IQSEC1: variants seen among roughly 807,000 people sequenced by gnomAD.
IQSEC1 encodes the protein IQ motif and Sec7 domain ArfGEF 1.
A neutral mutation model predicts 91.0 loss-of-function variants in IQSEC1; 31 were observed. The ratio of observed to expected loss-of-function variants is 0.34; its 90% CI spans 0.26 to 0.46. The LOEUF is 0.46. Ranked by LOEUF, IQSEC1 falls within the 20% of genes least tolerant of loss-of-function variation. The probability of loss-of-function intolerance (pLI) is 1.00; values close to 1 mark genes in which losing one functional copy is unlikely to be tolerated. For missense variants in IQSEC1, 1,388 were observed against 1,575.6 expected, an observed-to-expected ratio of 0.88 and a Z score of 2.02; for synonymous variants, 699 against 662.6, an observed-to-expected ratio of 1.05 and a Z score of -0.84.
intron 2 of IQSEC1, among the ~76,000 whole-genome samples, chr3:13,141,459 T>C (rs1336576144): frequency 6.6e-6 from 1 of 152,186 alleles, no homozygotes; most frequent in Non-Finnish European, 1.5e-5. Flanking sequence ...TTGTGTTCCC[T>C]GGGTTCTCCT....
intron 1 of IQSEC1, among the ~76,000 whole-genome samples, chr3:12,943,605 C>T (rs1200930952): frequency 2.6e-5 from 4 of 152,204 alleles, no homozygotes; most frequent in South Asian, 2.1e-4. Context: ...CACTCAGCTG[C>T]GGTGCCCCCT....
At chr3:13,208,130 C>T (rs184954395) in intron 1 of IQSEC1, among the ~76,000 whole-genome samples, 331 of 150,776 alleles carry the variant, frequency 2.2e-3, no homozygotes, top group African/African-American at 6.4e-3. Flanking sequence ...GGTGGCCAGA[C>T]AGATGGAGCA....
chr3:13,095,464 A>C (rs1238772615), intron 2 of IQSEC1, among the ~76,000 whole-genome samples: 1 of 152,170 alleles, frequency 6.6e-6, no homozygotes, highest in Admixed American at 6.5e-5. Context: ...GGGCTGATGG[A>C]CAGAGCTAAG....
intron 2 of IQSEC1, among the ~76,000 whole-genome samples, chr3:13,150,650 G>A (rs1010205234): frequency 2.0e-5 from 3 of 152,186 alleles, no homozygotes; most frequent in Non-Finnish European, 2.9e-5. Context: ...TTTAGTGGGA[G>A]TCTCCACCTT....
intron 1 of IQSEC1, among the ~76,000 whole-genome samples, chr3:13,249,292 C>T (rs887329501): frequency 5.9e-5 from 9 of 151,542 alleles, no homozygotes; most frequent in African/African-American, 2.2e-4. Context: ...CTGCCTTAGC[C>T]TCCTGAGTAG....
intron 1 of IQSEC1, among the ~76,000 whole-genome samples, chr3:13,064,179 G>A (rs926100270): frequency 7.2e-5 from 11 of 151,914 alleles, no homozygotes; most frequent in Non-Finnish European, 1.0e-4. Context: ...TACATGATAC[G>A]CCTGCATAGA....
rs992869370 is a variant in IQSEC1 at position 12,983,962 on chromosome 3, C to T, written c.24-42097G>A. On this transcript the variant is annotated intron_variant, in intron 1 of 13. Coordinates refer to ENST00000613206, the MANE Select transcript of IQSEC1 (RefSeq NM_001134382.3). This position sits in a 1 kb window ranked among gnomAD's most constrained non-coding sequence, Gnocchi z 4.3. ...GGCAGAGAGGTAAGGGCCTTTCATACGTGGGTTCTGGGGGATAGTAACATG... is the reference window on the plus strand; with the variant it reads ...GGCAGAGAGGTAAGGGCCTTTCATATGTGGGTTCTGGGGGATAGTAACATG... Among the ~76,000 whole-genome samples the T allele has an allele frequency of 2.0e-5, 3 of 152,172 alleles. No individual in the cohort carries two copies. The highest frequency in any genetic ancestry group is 1.9e-4 in the East Asian group (1 of 5,204).
At chr3:13,229,726 C>CCTGCTTAT (rs1576302943) in intron 1 of IQSEC1, among the ~76,000 whole-genome samples, 1 of 152,344 alleles carries the variant, frequency 6.6e-6, no homozygotes, top group East Asian at 1.9e-4. Flanking sequence ...ACACTGTTCC[C>CCTGCTTAT]CCTGCTGGGA....
chr3:13,238,927 C>T (rs1452524668), intron 1 of IQSEC1, among the ~76,000 whole-genome samples: 8 of 152,212 alleles, frequency 5.3e-5, no homozygotes, highest in Non-Finnish European at 1.2e-4. Context: ...AGACCAACAC[C>T]GTCATCTCCA....
intron 2 of IQSEC1, among the ~76,000 whole-genome samples, chr3:12,939,719 C>T (rs1057112961): frequency 1.3e-5 from 2 of 152,208 alleles, no homozygotes; most frequent in African/African-American, 4.8e-5. Flanking sequence ...TCAGCTGTTG[C>T]CTCTTCCTGG....
intron 1 of IQSEC1, among the ~76,000 whole-genome samples, chr3:13,034,506 G>A (rs1004385993): frequency 2.8e-4 from 42 of 152,334 alleles, no homozygotes; most frequent in African/African-American, 9.6e-4. Flanking sequence ...AGGCAGCCGG[G>A]GAGGAGGAGA....
rs1705976943 is a variant in IQSEC1 at position 13,096,996 on chromosome 3, GACT to G, written c.303-49477_303-49475del. Among the ~76,000 whole-genome samples, 3 of 152,202 alleles carry G rather than the reference GACT, an allele frequency of 2.0e-5. No homozygotes were observed. The South Asian group carries it at 6.2e-4, about 32-fold the overall frequency. Reference sequence around the variant, plus strand: ...CTACCTCAGCCTCCCAAGTAGCTGGGACTACAGGCGCCCGCCACCACGCCTGGC... The same window carrying G: ...CTACCTCAGCCTCCCAAGTAGCTGGGACAGGCGCCCGCCACCACGCCTGGC... On this transcript the variant is annotated intron_variant, in intron 2 of 15. Coordinates refer to the IQSEC1 transcript ENST00000648114.
intron 1 of IQSEC1, among the ~76,000 whole-genome samples, chr3:13,251,073 A>AC (rs1397450113): frequency 6.6e-6 from 1 of 152,026 alleles, no homozygotes; most frequent in Non-Finnish European, 1.5e-5. Flanking sequence ...GCTCCCCCTC[A>AC]GTCACACCAG....
chr3:13,132,034 A>C (rs2124919256), intron 2 of IQSEC1, among the ~76,000 whole-genome samples: 1 of 152,100 alleles, frequency 6.6e-6, no homozygotes, highest in Middle Eastern at 3.4e-3. Context: ...TGTGGGTAAT[A>C]TTTTCTTGCT....
intron 12 of IQSEC1, among the ~76,000 whole-genome samples, chr3:12,904,985 T>C (rs1383486364): frequency 2.0e-5 from 3 of 152,210 alleles, no homozygotes; most frequent in Non-Finnish European, 4.4e-5. Context: ...ACTTTCTCAA[T>C]GTCTCAGGTC....
intron 2 of IQSEC1, among the ~76,000 whole-genome samples, chr3:13,091,707 G>A (rs1192795475): frequency 2.6e-5 from 4 of 152,236 alleles, no homozygotes; most frequent in African/African-American, 9.6e-5. Context: ...CTGTTCCTAT[G>A]ACCAGGCCCT....
intron 3 of IQSEC1, among the ~76,000 whole-genome samples, chr3:12,931,551 A>G (rs1024973249): frequency 7.9e-5 from 12 of 152,172 alleles, no homozygotes; most frequent in African/African-American, 2.7e-4. Flanking sequence ...GCTCACTGCT[A>G]TTTTTATCAA....
intron 2 of IQSEC1, among the ~76,000 whole-genome samples, chr3:13,129,655 A>T (rs899026546): frequency 1.7e-5 from 2 of 118,330 alleles, no homozygotes; most frequent in Non-Finnish European, 1.7e-5. Context: ...CATCTTATGA[A>T]TTTTTTTTTT....
intron 1 of IQSEC1, among the ~76,000 whole-genome samples, chr3:13,279,272 T>C (rs2125157985): frequency 6.6e-6 from 1 of 152,334 alleles, no homozygotes; most frequent in African/African-American, 2.4e-5. Context: ...AGAGCAATTC[T>C]AGAAACAGAT....
Sources: gnomAD v4.1 joint callset for allele counts (sites outside exome capture counted in the v4.1 genomes callset) on GRCh38, gnomAD v4.1.1 for gene constraint, Gnocchi (gnomAD v3.1) non-coding constraint, MANE v1.5 for transcripts, NCBI Gene and HGNC (gene_info 2026-07-23, HGNC 2026-07-21) for gene names.